AGBL4: variants seen among roughly 807,000 people sequenced by gnomAD.
The protein encoded by AGBL4 is AGBL carboxypeptidase 4.
AGBL4 carries 58 observed loss-of-function variants against 66.4 expected under a neutral mutation model. The ratio of observed to expected loss-of-function variants is 0.87; its 90% CI spans 0.71 to 1.09. AGBL4 has a LOEUF of 1.09. AGBL4 is among the 50% of genes least tolerant of loss of function. The pLI is 0.00. For synonymous variants in AGBL4, 234 were observed against 222.9 expected (o/e 1.05, Z -0.44); for missense variants, 579 against 631.0 (o/e 0.92, Z 0.88).
chr1:49,627,694 T>C (rs1430253362), intron 3 of AGBL4, among the ~76,000 whole-genome samples: 2 of 152,334 alleles, frequency 1.3e-5, no homozygotes, highest in African/African-American at 4.8e-5. Context: ...TATTTTTTGC[T>C]TTCAGCAACA....
At chr1:49,266,926 T>C (rs542363389) in intron 3 of AGBL4, among the ~76,000 whole-genome samples, 1 of 152,320 alleles carries the variant, frequency 6.6e-6, no homozygotes, top group African/African-American at 2.4e-5. Flanking sequence ...AAAAAGCACC[T>C]AAGGCTGCAC....
chr1:49,548,082 G>A (rs1652648424), intron 3 of AGBL4, among the ~76,000 whole-genome samples: 2 of 152,100 alleles, frequency 1.3e-5, no homozygotes, highest in African/African-American at 2.4e-5. Context: ...TAGGGGTTGA[G>A]TTCTTGATTT....
At chr1:49,861,673 T>C (rs956055124) in intron 1 of AGBL4, among the ~76,000 whole-genome samples, 1 of 152,178 alleles carries the variant, frequency 6.6e-6, no homozygotes, top group African/African-American at 2.4e-5. Flanking sequence ...CTATTTTGAA[T>C]AGGTAGCCCA....
chr1:49,195,808 T>C (rs1158259268), intron 4 of AGBL4, among the ~76,000 whole-genome samples: 3 of 152,122 alleles, frequency 2.0e-5, no homozygotes, highest in Non-Finnish European at 2.9e-5. Context: ...TTTGGCTGTG[T>C]CCCCACCCAA....
chr1:49,598,508 C>A (rs1644892764), intron 3 of AGBL4, among the ~76,000 whole-genome samples: 1 of 152,212 alleles, frequency 6.6e-6, no homozygotes, highest in Admixed American at 6.5e-5. Context: ...TGGGTATCAG[C>A]AGCGGTGGCT....
rs1186915086 is a variant in AGBL4, at chr1:49,530,278, A to AAAAAAAAAAAAAAAAAAAAAAAAAAC, written c.282+167034_282+167035insGTTTTTTTTTTTTTTTTTTTTTTTTT. ...AATTTGTAAAAAAAAAAAAACAAAA[A>AAAAAAAAAAAAAAAAAAAAAAAAAAC]AAAACTCTATGAGTTTTTTTTTATT... On this transcript the variant is annotated intron_variant, in intron 3 of 13. Coordinates refer to ENST00000371839, the MANE Select transcript of AGBL4 (RefSeq NM_032785.4). 1.4e-4 allele frequency among the ~76,000 whole-genome samples: 21 copies of AAAAAAAAAAAAAAAAAAAAAAAAAAC among 145,162 alleles called. 1 individual carries two copies. The highest frequency in any genetic ancestry group is 2.3e-4 in the Non-Finnish European group (15 of 64,944).
chr1:49,941,093 A>G (rs1654714009), intron 1 of AGBL4, among the ~76,000 whole-genome samples: 1 of 152,172 alleles, frequency 6.6e-6, no homozygotes, highest in African/African-American at 2.4e-5. Flanking sequence ...CTAGACATAT[A>G]CAACCTACCT....
At chr1:49,576,445 A>C (rs1022204116) in intron 3 of AGBL4, among the ~76,000 whole-genome samples, 2 of 152,076 alleles carry the variant, frequency 1.3e-5, no homozygotes, top group Non-Finnish European at 2.9e-5. Flanking sequence ...GGGCTCTGGG[A>C]TTTTGGAGCA....
rs534420962 is a variant in AGBL4, at chr1:48,640,790, G to A, written c.840-6186C>T. 3.3e-5 allele frequency among the ~76,000 whole-genome samples: 5 copies of A among 152,202 alleles called. No individual in the cohort carries two copies. In the East Asian group the frequency reaches 5.8e-4, roughly 18 times the overall value. On this transcript the variant is annotated intron_variant, in intron 8 of 13. Coordinates refer to ENST00000371839, the MANE Select transcript of AGBL4 (RefSeq NM_032785.4). ...ATCTTCCTATCCTGTTCTCTTTCTC[G>A]TTTGCCCAATAGCAGAGATATAATG... is the stretch of plus-strand genomic sequence containing the variant.
In AGBL4 at chr1:49,471,766, G is replaced by GA. The variant is rs569215816; in HGVS notation, c.282+225546dup. On this transcript the variant is annotated intron_variant, in intron 3 of 13. Transcript: ENST00000371839. ...ATTTTCTACTATAGCCAACACCACA[G>GA]AAAAAAAACTGTGACCCTATTATAC... 4.7e-4 allele frequency among the ~76,000 whole-genome samples: 72 copies of GA among 151,602 alleles called. 1 individual carries two copies. The highest frequency in any genetic ancestry group is 1.3e-3 in the African/African-American group (53 of 41,374).
intron 9 of AGBL4, among the ~76,000 whole-genome samples, chr1:48,605,180 C>CTGTCT (rs1645136267): frequency 6.6e-6 from 1 of 152,244 alleles, no homozygotes; most frequent in African/African-American, 2.4e-5. Flanking sequence ...TCTTACCACT[C>CTGTCT]TATCACTCTG....
chr1:48,544,933 G>A (rs1454452483), intron 11 of AGBL4, among the ~76,000 whole-genome samples: 1 of 152,160 alleles, frequency 6.6e-6, no homozygotes, highest in Non-Finnish European at 1.5e-5. Context: ...AAGTTTTGGG[G>A]AGATTTTCTA....
intron 6 of AGBL4, among the ~76,000 whole-genome samples, chr1:48,778,973 T>TG (rs1645217734): frequency 6.6e-6 from 1 of 152,050 alleles, no homozygotes; most frequent in Admixed American, 6.5e-5. Flanking sequence ...CACAAGCTTG[T>TG]GGAAAAAAAA....
chr1:49,133,136 T>C (rs1569754661), intron 4 of AGBL4, among the ~76,000 whole-genome samples: 1 of 151,946 alleles, frequency 6.6e-6, no homozygotes, highest in East Asian at 1.9e-4. Context: ...ACTAACACAG[T>C]AACAGAAAAC....
At chr1:49,465,451 T>C (rs1646610371) in intron 3 of AGBL4, among the ~76,000 whole-genome samples, 1 of 151,756 alleles carries the variant, frequency 6.6e-6, no homozygotes, top group Admixed American at 6.6e-5. Context: ...TCACAGGAGA[T>C]AAGGAGCTTT....
At chr1:48,896,174 C>T (rs949197445) in intron 5 of AGBL4, among the ~76,000 whole-genome samples, 1 of 152,096 alleles carries the variant, frequency 6.6e-6, no homozygotes, top group African/African-American at 2.4e-5. Flanking sequence ...CCTAGGTACT[C>T]CCCCTCTAAA....
At chr1:49,718,512 T>G (rs934701188) in intron 2 of AGBL4, among the ~76,000 whole-genome samples, 3 of 152,076 alleles carry the variant, frequency 2.0e-5, no homozygotes, top group African/African-American at 7.2e-5. Flanking sequence ...TATTATTATA[T>G]CTACACTAAA....
chr1:49,204,659 C>T (rs1487815626), intron 4 of AGBL4, among the ~76,000 whole-genome samples: 1 of 152,062 alleles, frequency 6.6e-6, no homozygotes, highest in Non-Finnish European at 1.5e-5. Flanking sequence ...ATGTAAAACA[C>T]ACTTTCACAT....
At chr1:49,133,910 T>G (rs1645951893) in intron 4 of AGBL4, among the ~76,000 whole-genome samples, 1 of 152,052 alleles carries the variant, frequency 6.6e-6, no homozygotes, top group Non-Finnish European at 1.5e-5. Flanking sequence ...CATATGTATA[T>G]ATGTGTATAT....
Sources: allele counts gnomAD v4.1 joint callset (sites outside exome capture counted in the v4.1 genomes callset), GRCh38; gene constraint gnomAD v4.1.1; transcripts MANE v1.5; gene names NCBI Gene and HGNC (gene_info 2026-07-23, HGNC 2026-07-21).